Variants in MGAT4C observed in about 807,000 individuals in gnomAD.
MGAT4C encodes the protein alpha-1,3-mannosyl-glycoprotein 4-beta-N-acetylglucosaminyltransferase C.
Under a neutral mutation model 40.1 loss-of-function variants are expected in MGAT4C, and 19 were observed. The ratio of observed to expected loss-of-function variants is 0.47; its 90% CI spans 0.33 to 0.70. The LOEUF (loss-of-function observed/expected upper bound fraction) is 0.70, where lower values mean the gene tolerates loss of function less well. Ranked by LOEUF, MGAT4C falls within the 30% of genes least tolerant of loss-of-function variation. The pLI is 0.02. For synonymous variants in MGAT4C, 181 were observed against 187.1 expected (o/e 0.97, Z 0.27); for missense variants, 491 against 563.2 (o/e 0.87, Z 1.30).
intron 2 of MGAT4C, among the ~76,000 whole-genome samples, chr12:86,598,458 T>G (rs1434792507): frequency 6.6e-6 from 1 of 152,194 alleles, no homozygotes; most frequent in East Asian, 1.9e-4. Context: ...AAACAAATAG[T>G]ATATTTGGTA....
At chr12:86,640,213 T>A (rs972129543) in intron 2 of MGAT4C, among the ~76,000 whole-genome samples, 2 of 151,804 alleles carry the variant, frequency 1.3e-5, no homozygotes, top group Non-Finnish European at 2.9e-5. Context: ...CATATATAAG[T>A]ATTTTACATT....
intron 2 of MGAT4C, among the ~76,000 whole-genome samples, chr12:86,021,700 GCACGT>G: frequency 6.6e-6 from 1 of 152,064 alleles, no homozygotes; most frequent in East Asian, 1.9e-4. Context: ...TAACAAACCT[GCACGT>G]TGTGCACATG....
chr12:86,445,312 T>C (rs1220098964), intron 2 of MGAT4C, among the ~76,000 whole-genome samples: 1 of 152,158 alleles, frequency 6.6e-6, no homozygotes, highest in Admixed American at 6.6e-5. Flanking sequence ...AAATAAGATA[T>C]CCAAATGACC....
intron 2 of MGAT4C, among the ~76,000 whole-genome samples, chr12:86,624,670 G>A (rs1962744780): frequency 6.6e-6 from 1 of 151,988 alleles, no homozygotes; most frequent in South Asian, 2.1e-4. Context: ...GGGGAAGGGA[G>A]GAATCTTTAG....
intron 2 of MGAT4C, among the ~76,000 whole-genome samples, chr12:86,485,254 A>G (rs1958001057): frequency 6.6e-6 from 1 of 152,206 alleles, no homozygotes; most frequent in Non-Finnish European, 1.5e-5. Flanking sequence ...GAAATGACAG[A>G]CAGATAATTC....
chr12:86,168,863 G>A (rs983416681), intron 1 of MGAT4C, among the ~76,000 whole-genome samples: 15 of 152,084 alleles, frequency 9.9e-5, no homozygotes, highest in African/African-American at 3.6e-4. Flanking sequence ...TTTTGCTGTA[G>A]TCCAGGTCCC....
chr12:86,417,719 A>G (rs1956744930), intron 3 of MGAT4C, among the ~76,000 whole-genome samples: 1 of 152,112 alleles, frequency 6.6e-6, no homozygotes. Flanking sequence ...TTTTATTTCC[A>G]CCATGCATTA....
At chr12:86,541,780 C>T (rs186184610) in intron 2 of MGAT4C, among the ~76,000 whole-genome samples, 3 of 152,244 alleles carry the variant, frequency 2.0e-5, no homozygotes, top group Non-Finnish European at 2.9e-5. Flanking sequence ...AACATTGATT[C>T]ATCTCCAACC....
intron 4 of MGAT4C, among the ~76,000 whole-genome samples, chr12:86,283,721 G>A (rs940333562): frequency 6.6e-6 from 1 of 152,000 alleles, no homozygotes; most frequent in African/African-American, 2.4e-5. Context: ...TCAACTATCT[G>A]CCAAGAGCAT....
chr12:86,046,561 T>C (rs1465800006), intron 2 of MGAT4C, among the ~76,000 whole-genome samples: 1 of 152,124 alleles, frequency 6.6e-6, no homozygotes, highest in Non-Finnish European at 1.5e-5. Context: ...CAGCCCAGAT[T>C]GAATTACCAG....
At chr12:86,472,243 AT>A (rs1957767524) in intron 2 of MGAT4C, among the ~76,000 whole-genome samples, 2 of 152,234 alleles carry the variant, frequency 1.3e-5, no homozygotes, top group South Asian at 4.1e-4. Flanking sequence ...GAAGATTACT[AT>A]TGCTGCTATT....
At chr12:86,821,922 A>G (rs1006597594) in intron 1 of MGAT4C, among the ~76,000 whole-genome samples, 2 of 151,066 alleles carry the variant, frequency 1.3e-5, no homozygotes, top group South Asian at 2.1e-4. Flanking sequence ...CTATATTATT[A>G]TAACGGTGGT....
intron 3 of MGAT4C, among the ~76,000 whole-genome samples, chr12:86,367,793 C>A (rs1018562398): frequency 6.6e-6 from 1 of 151,648 alleles, no homozygotes; most frequent in Non-Finnish European, 1.5e-5. Flanking sequence ...GAGCGAGACT[C>A]CGTCTCAAAA....
chr12:86,770,343 T>C (rs1951608848), intron 1 of MGAT4C, among the ~76,000 whole-genome samples: 1 of 152,090 alleles, frequency 6.6e-6, no homozygotes, highest in South Asian at 2.1e-4. Context: ...TTAATCTTTT[T>C]ATTTCCCAGT....
chr12:86,172,417 T>A (rs1886951481), intron 1 of MGAT4C, among the ~76,000 whole-genome samples: 1 of 152,296 alleles, frequency 6.6e-6, no homozygotes, highest in African/African-American at 2.4e-5. Context: ...TTAACAAATA[T>A]TGTGTAAATA....
intron 4 of MGAT4C, among the ~76,000 whole-genome samples, chr12:86,264,078 TA>T (rs1315923607): frequency 5.3e-5 from 8 of 152,154 alleles, no homozygotes; most frequent in Non-Finnish European, 1.2e-4. Context: ...ACATCCTGGA[TA>T]TTAGTCCCCT....
chr12:86,263,526 A>ATAG (rs1447643601), intron 4 of MGAT4C, among the ~76,000 whole-genome samples: 1 of 152,168 alleles, frequency 6.6e-6, no homozygotes, highest in Non-Finnish European at 1.5e-5. Context: ...TTTTGGCTGA[A>ATAG]TAGTACTCCA....
chr12:86,834,191 T>C (rs1593250578), intron 1 of MGAT4C, among the ~76,000 whole-genome samples: 3 of 143,950 alleles, frequency 2.1e-5, no homozygotes, highest in South Asian at 2.2e-4. Flanking sequence ...GATATAGATA[T>C]AGATATAGAT....
chr12:86,585,222 C>T (rs1960965815), intron 2 of MGAT4C, among the ~76,000 whole-genome samples: 1 of 151,354 alleles, frequency 6.6e-6, no homozygotes. Flanking sequence ...CAAGTAATAG[C>T]TGCTTTTAGT....
Sources: gnomAD v4.1 joint callset for allele counts (sites outside exome capture counted in the v4.1 genomes callset) on GRCh38, gnomAD v4.1.1 for gene constraint, MANE v1.5 for transcripts, NCBI Gene and HGNC (gene_info 2026-07-23, HGNC 2026-07-21) for gene names.